Variants in NEK5 observed in about 807,000 individuals in gnomAD.
NEK5 encodes the protein NIMA related kinase 5.
NEK5 carries 88 observed loss-of-function variants against 109.2 expected under a neutral mutation model. That is an observed-to-expected ratio of 0.81 (90% CI 0.68 to 0.96). NEK5 has a LOEUF of 0.96. Among genes scored for constraint, NEK5 ranks in the 40% least tolerant of loss-of-function variants. The probability of loss-of-function intolerance (pLI) is 0.00; values close to 1 mark genes in which losing one functional copy is unlikely to be tolerated. For synonymous variants in NEK5, 283 were observed against 299.9 expected (o/e 0.94, Z 0.58); for missense variants, 834 against 920.7 (o/e 0.91, Z 1.22).
At position 52,034,704 on chromosome 13, in the gene NEK5, T is replaced by TC. The variant is rs2140861531; in HGVS notation, c.*2243_*2244insG. The TC allele has an allele frequency of 6.8e-6, 1 of 146,732 alleles. No individual in the cohort carries two copies. Among genetic ancestry groups the TC allele is most frequent in the East Asian group, 2.0e-4 (1 of 5,046 alleles). The allele number at this position is 146,732 out of a possible 1,614,324, so 9.1% of individuals were successfully genotyped here. A position where few individuals can be genotyped will look rare whatever the true frequency, so the allele number is the denominator to read the frequency against. ...AACACACCAGCTAATTCTTTTTTTT[T>TC]TTTTTTTTTTTCTGAGGGGTGGATA... On this transcript the variant is annotated 3_prime_UTR_variant, in exon 24 of 24. Coordinates refer to ENST00000684899, the MANE Select transcript of NEK5 (RefSeq NM_001365552.1).
chr13:52,115,362 T>C (rs910430345), intron 4 of NEK5, among the ~76,000 whole-genome samples: 1 of 151,500 alleles, frequency 6.6e-6, no homozygotes, highest in African/African-American at 2.4e-5. Flanking sequence ...CCCAGCACTT[T>C]GGGAGGCCGA....
At chr13:52,078,594 T>TC in intron 17 of NEK5, among the ~76,000 whole-genome samples, 1 of 150,710 alleles carries the variant, frequency 6.6e-6, no homozygotes, top group East Asian at 1.9e-4. Flanking sequence ...ATAAAACTGT[T>TC]TTTTTTTTTA....
intron 17 of NEK5, among the ~76,000 whole-genome samples, chr13:52,078,230 A>T (rs1954903447): frequency 6.6e-6 from 1 of 152,248 alleles, no homozygotes; most frequent in Non-Finnish European, 1.5e-5. Flanking sequence ...AAGAATAATA[A>T]TGAACTATTA....
At position 52,097,523 on chromosome 13, in the gene NEK5, C is replaced by T. The variant is rs558296802; in HGVS notation, c.1026+2220G>A. Reference sequence around the variant, plus strand: ...GCTTTAAGATTTAATGACTGCCCTGCTAGGTTTTGAATTTGCATGGGGTCT... The same window carrying T: ...GCTTTAAGATTTAATGACTGCCCTGTTAGGTTTTGAATTTGCATGGGGTCT... On this transcript the variant is annotated intron_variant, in intron 12 of 23. Transcript: ENST00000684899. Among the ~76,000 whole-genome samples, 10 of 152,290 alleles carry T rather than the reference C, an allele frequency of 6.6e-5. No individual in the cohort carries two copies. In the East Asian group the frequency reaches 1.9e-3, roughly 29 times the overall value.
chr13:52,089,474 A>G (rs915810677), intron 13 of NEK5, among the ~76,000 whole-genome samples, 161 bp from the exon 14 acceptor site: 3 of 150,706 alleles, frequency 2.0e-5, no homozygotes, highest in African/African-American at 7.2e-5. Flanking sequence ...TTTACATTGG[A>G]AAAGAAAATT....
intron 4 of NEK5, 88 bp downstream of exon 4, chr13:52,119,231 A>T: frequency 1.7e-6 from 1 of 600,916 alleles, no homozygotes; most frequent in East Asian, 2.9e-5. Flanking sequence ...AAATTAATTT[A>T]TACACAGTCC....
In NEK5 at chr13:52,050,239, A is replaced by G. The variant is rs1178320285; in HGVS notation, c.2111-18T>C. 5 of 923,582 alleles carry G rather than the reference A, an allele frequency of 5.4e-6. No individual in the cohort carries two copies. The highest frequency in any genetic ancestry group is 5.0e-5 in the South Asian group (1 of 20,052). The allele number at this position is 923,582 out of a possible 1,614,324, so 57.2% of individuals were successfully genotyped here. A position where few individuals can be genotyped will look rare whatever the true frequency, so the allele number is the denominator to read the frequency against. ...TCCCATTGCTAAAGAAATGACAGAG[A>G]AAGATATGAAAGCATCCCAGCCTAT... On this transcript the variant is annotated intron_variant, in intron 22 of 23. Coordinates refer to ENST00000684899, the MANE Select transcript of NEK5 (RefSeq NM_001365552.1).
At chr13:52,105,393 T>C (rs1955632137) in intron 8 of NEK5, among the ~76,000 whole-genome samples, 1 of 151,990 alleles carries the variant, frequency 6.6e-6, no homozygotes. Context: ...TTTAATAATT[T>C]TTTTTTTCAT....
chr13:52,044,566 T>C (rs899135845), intron 23 of NEK5, among the ~76,000 whole-genome samples: 1 of 152,168 alleles, frequency 6.6e-6, no homozygotes, highest in African/African-American at 2.4e-5. Flanking sequence ...ATAAAGTAAA[T>C]GAACTATCAA....
chr13:52,074,329 T>G (rs1396168710), intron 19 of NEK5, among the ~76,000 whole-genome samples: 2 of 151,902 alleles, frequency 1.3e-5, no homozygotes, highest in African/African-American at 2.4e-5. Context: ...ATAAAGCCAC[T>G]CATCTACAGC....
At chr13:52,038,735 G>C (rs1273955349) in intron 23 of NEK5, among the ~76,000 whole-genome samples, 1 of 148,320 alleles carries the variant, frequency 6.7e-6, no homozygotes, top group East Asian at 2.0e-4. Context: ...TGATGCAGGA[G>C]GATTGCTTGA....
At position 52,071,981 on chromosome 13, in the gene NEK5, T is replaced by G; in HGVS notation, c.1812A>C (p.Thr604=). 6.2e-7 allele frequency: 1 copy of G among 1,612,618 alleles called. No individual in the cohort carries two copies. The highest frequency in any genetic ancestry group is 8.5e-7 in the Non-Finnish European group (1 of 1,178,736). The stretch of plus-strand genomic sequence containing the variant: ...AGTGAAGTTTTTCAAATGCTTTGTC[T>G]GTATAATCTCCATGCTCCTTTACAC... ...YECVKEHGDY[T]DKAFEKLHCP... Residue 604 remains threonine, a synonymous_variant, in exon 20 of 24, where the codon ACA becomes ACC. Coordinates refer to ENST00000684899, the MANE Select transcript of NEK5 (RefSeq NM_001365552.1).
intron 22 of NEK5, among the ~76,000 whole-genome samples, chr13:52,052,841 A>G (rs1242809246): frequency 6.6e-6 from 1 of 152,044 alleles, no homozygotes; most frequent in Admixed American, 6.6e-5. Flanking sequence ...TCTTGACTAA[A>G]CCTTGACTGT....
chr13:52,083,149 A>AAG, intron 17 of NEK5, 111 bp downstream of exon 17: 6 of 388,028 alleles, frequency 1.5e-5, no homozygotes, highest in Non-Finnish European at 2.7e-5. Flanking sequence ...CGTCTCATAG[A>AAG]AAAAAAAAAA....
chr13:52,091,898 A>G (rs1309074805), intron 13 of NEK5, among the ~76,000 whole-genome samples: 1 of 152,222 alleles, frequency 6.6e-6, no homozygotes, highest in Non-Finnish European at 1.5e-5. Flanking sequence ...CCTAGAACAT[A>G]AATGCCGAAT....
At chr13:52,064,258 C>T (rs1218532730) in intron 21 of NEK5, among the ~76,000 whole-genome samples, 2 of 140,720 alleles carry the variant, frequency 1.4e-5, no homozygotes. Context: ...GCCAGCCGCC[C>T]CGTCCGGGAG....
chr13:52,103,843 T>A (rs35370885), intron 9 of NEK5, among the ~76,000 whole-genome samples: 1 of 152,188 alleles, frequency 6.6e-6, no homozygotes, highest in Non-Finnish European at 1.5e-5. Context: ...GCTGGAGGAT[T>A]TGGCACATCC....
intron 17 of NEK5, among the ~76,000 whole-genome samples, chr13:52,080,310 G>C (rs1213030608): frequency 6.7e-6 from 1 of 149,974 alleles, no homozygotes; most frequent in Non-Finnish European, 1.5e-5. Context: ...TCGTCCGGGA[G>C]GTGAGGGGCG....
chr13:52,063,309 G>C (rs982108805), intron 21 of NEK5, among the ~76,000 whole-genome samples: 1 of 152,214 alleles, frequency 6.6e-6, no homozygotes, highest in African/African-American at 2.4e-5. Context: ...TCCTAACCGC[G>C]AGTGATCTGC....
Sources: allele counts gnomAD v4.1 joint callset (sites outside exome capture counted in the v4.1 genomes callset), GRCh38; gene constraint gnomAD v4.1.1; transcripts MANE v1.5; gene names NCBI Gene and HGNC (gene_info 2026-07-23, HGNC 2026-07-21).